Variants in SCN4B observed in about 807,000 individuals in gnomAD.
SCN4B encodes sodium channel regulatory subunit beta-4.
A neutral mutation model predicts 19.6 loss-of-function variants in SCN4B; 20 were observed. The ratio of observed to expected loss-of-function variants is 1.02; its 90% confidence interval spans 0.72 to 1.48. SCN4B has a LOEUF of 1.48. Among genes scored for constraint, SCN4B ranks in the 40% most tolerant of loss-of-function variants. The probability of loss-of-function intolerance (pLI) is 0.00; values close to 1 mark genes in which losing one functional copy is unlikely to be tolerated. For synonymous variants in SCN4B, 127 were observed against 122.8 expected, an observed-to-expected ratio of 1.03 and a Z score of -0.22; for missense variants, 271 against 287.5, an observed-to-expected ratio of 0.94 and a Z score of 0.42.
chr11:118,151,150 ACAT>A (rs1303661541), intron 1 of SCN4B, among the ~76,000 whole-genome samples: 1 of 141,490 alleles, frequency 7.1e-6, no homozygotes, highest in Admixed American at 7.1e-5. Flanking sequence ...ACACACACAC[ACAT>A]CATTTTCAGG....
rs1208066838 is a variant in SCN4B, at chr11:118,134,879, C to T, written c.*2148G>A. On this transcript the variant is annotated 3_prime_UTR_variant, in exon 5 of 5. Coordinates refer to ENST00000324727, the MANE Select transcript of SCN4B (RefSeq NM_174934.4). Reference sequence around the variant, plus strand: ...TGTGAGGTAGGTAAGTATTATTACACCCATTTGGTAGATGGAAAGAGCTGA... The same window carrying T: ...TGTGAGGTAGGTAAGTATTATTACATCCATTTGGTAGATGGAAAGAGCTGA... 2.2e-6 allele frequency: 1 copy of T among 453,938 alleles called. No individual in the cohort carries two copies. The highest frequency in any genetic ancestry group is 2.4e-5 in the Admixed American group (1 of 42,552). 28.1% of individuals were successfully genotyped at this position (453,938 alleles called of 1,614,324 possible).
In SCN4B at chr11:118,133,934, TGCCCATCA is replaced by T; in HGVS notation, c.*3085_*3092del. ...GACGGCTCCTCAAATGTCCAGCATC[TGCCCATCA>T]TGCATCACCCCTTACATGCAGAGCC... On this transcript the variant is annotated 3_prime_UTR_variant, in exon 5 of 5. Transcript: ENST00000324727. 2.2e-6 allele frequency: 1 copy of T among 454,572 alleles called. No individual in the cohort carries two copies. Among genetic ancestry groups the T allele is most frequent in the South Asian group, 1.6e-5 (1 of 64,476 alleles). 28.2% of individuals were successfully genotyped at this position (454,572 alleles called of 1,614,324 possible).
At chr11:118,141,482 C>A in intron 3 of SCN4B, 146 bp from the exon 4 acceptor site, 1 of 886,974 alleles carries the variant, frequency 1.1e-6, no homozygotes, top group Non-Finnish European at 1.8e-6. Flanking sequence ...CAGCCCTCCC[C>A]AGGCCTGCAG....
At chr11:118,145,424 G>A (rs1349155095) in intron 1 of SCN4B, 195 bp from the exon 2 acceptor site, 13 of 1,511,358 alleles carry the variant, frequency 8.6e-6, no homozygotes, top group Non-Finnish European at 1.1e-5. Flanking sequence ...TTTCTCCCCT[G>A]GAAAGGACTG....
At chr11:118,152,461 A>C (rs1948243656) in intron 1 of SCN4B, 152 bp downstream of exon 1, 1 of 663,526 alleles carries the variant, frequency 1.5e-6, no homozygotes, top group East Asian at 2.9e-5. Flanking sequence ...CCTATGAACC[A>C]GGCAGGAACC....
intron 1 of SCN4B, among the ~76,000 whole-genome samples, chr11:118,147,475 C>A (rs894267484): frequency 6.6e-6 from 1 of 152,186 alleles, no homozygotes; most frequent in Admixed American, 6.5e-5. Context: ...CAGATATTAG[C>A]CCCTTTCCAC....
At chr11:118,137,543 C>T (rs555276947) in intron 4 of SCN4B, among the ~76,000 whole-genome samples, 3 of 152,236 alleles carry the variant, frequency 2.0e-5, no homozygotes, top group Admixed American at 1.3e-4. Context: ...TGGTGGCAGG[C>T]GCCTATAGTC....
intron 1 of SCN4B, among the ~76,000 whole-genome samples, chr11:118,152,209 G>A (rs1353218224): frequency 6.6e-6 from 1 of 152,188 alleles, no homozygotes; most frequent in South Asian, 2.1e-4. Context: ...GCTCTGGGCC[G>A]GGATGGAAAC....
At position 118,135,037 on chromosome 11, in the gene SCN4B, G is replaced by T. The variant is rs1366423682; in HGVS notation, c.*1990C>A. 2.2e-6 allele frequency: 1 copy of T among 454,136 alleles called. No individual in the cohort carries two copies. The highest frequency in any genetic ancestry group is 6.9e-5 in the East Asian group (1 of 14,400). The allele number at this position is 454,136 out of a possible 1,614,324, so 28.1% of individuals were successfully genotyped here. A position where few individuals can be genotyped will look rare whatever the true frequency, so the allele number is the denominator to read the frequency against. On this transcript the variant is annotated 3_prime_UTR_variant, in exon 5 of 5. Transcript: ENST00000324727. Reference sequence around the variant, plus strand: ...AAGACAGAAGGAGGAGCCCCAAGGTGCTCTGCCTCTTCAAATGTCACCATT... The same window carrying T: ...AAGACAGAAGGAGGAGCCCCAAGGTTCTCTGCCTCTTCAAATGTCACCATT...
rs192843911 is a variant in SCN4B at position 118,148,051 on chromosome 11, C to T, written c.62-2822G>A. On this transcript the variant is annotated intron_variant, in intron 1 of 4. Coordinates refer to ENST00000324727, the MANE Select transcript of SCN4B (RefSeq NM_174934.4). This position sits in a 1 kb window ranked among gnomAD's most constrained non-coding sequence, Gnocchi z 4.0. ...AAGGTCTGGCTCATGACACAGTACA[C>T]GTTTCTGCCTGGTTTGTGTGCACCT... 2.9e-4 allele frequency among the ~76,000 whole-genome samples: 44 copies of T among 152,362 alleles called. No individual in the cohort carries two copies. The East Asian group carries it at 5.4e-3, about 19-fold the overall frequency.
In SCN4B at chr11:118,145,102, G is replaced by A; in HGVS notation, c.189C>T (p.Asp63=). 1 of 1,614,158 alleles carries A rather than the reference G, an allele frequency of 6.2e-7. No individual in the cohort carries two copies. The highest frequency in any genetic ancestry group is 8.5e-7 in the Non-Finnish European group (1 of 1,180,032). The stretch of plus-strand genomic sequence containing the variant: ...TGTTGTAGGTCCACCGGAAGTGGAG[G>A]TCCTCGAAGCCAAAGCAGCTGGAGA... ...CTFSSCFGFE[D]LHFRWTYNSS... is the part of the protein sequence containing the mutation. The change falls in exon 2 of 5, where the codon GAC becomes GAT. Residue 63 remains aspartate, a synonymous_variant. Transcript: ENST00000324727.
rs587782976 is a variant in SCN4B at position 118,141,205 on chromosome 11, ACTT to A, written c.592_593+1del. On this transcript the variant is annotated splice_donor_variant and coding_sequence_variant, in exon 4 of 5. Coordinates refer to ENST00000324727, the MANE Select transcript of SCN4B (RefSeq NM_174934.4). LOFTEE classifies it high-confidence loss of function. ...ACAGGAGTGTGCTCCAGATCAACTC[ACTT>A]CTTCTCCCGAGTCTTCTTCAGGATG... 6.8e-6 allele frequency: 11 copies of A among 1,612,770 alleles called. No individual in the cohort carries two copies. In the Admixed American group the frequency reaches 8.3e-5, roughly 12 times the overall value.
At chr11:118,147,042 G>A (rs1313553161) in intron 1 of SCN4B, among the ~76,000 whole-genome samples, 2 of 152,210 alleles carry the variant, frequency 1.3e-5, no homozygotes, top group African/African-American at 4.8e-5. Context: ...GGCTGGCTCC[G>A]CCCAGCCCCT....
At chr11:118,149,910 A>T (rs1449035979) in intron 1 of SCN4B, among the ~76,000 whole-genome samples, 1 of 152,204 alleles carries the variant, frequency 6.6e-6, no homozygotes, top group Non-Finnish European at 1.5e-5. Flanking sequence ...CAGGTTCAGA[A>T]GGAGAACTAA....
intron 3 of SCN4B, chr11:118,141,791 G>A (rs577090337): frequency 2.9e-5 from 6 of 204,934 alleles, no homozygotes; most frequent in East Asian, 1.3e-4. Flanking sequence ...TTTTAAGCAT[G>A]GGATTTAACT....
At position 118,137,096 on chromosome 11, in the gene SCN4B, C is replaced by T. The variant is rs773921790; in HGVS notation, c.618G>A (p.Ser206=). ...AGCCGTTCTCCGTGTTGTCATTCCC[C>T]GAGGAGCTCACGAGACACTCCTTCC... ...EKKKECLVSS[S]GNDNTENGLP... Residue 206 remains serine (S), a synonymous_variant, in exon 5 of 5, where the codon TCG becomes TCA. Coordinates refer to ENST00000324727, the MANE Select transcript of SCN4B (RefSeq NM_174934.4). The T allele has an allele frequency of 1.1e-5, 17 of 1,613,830 alleles. No individual in the cohort carries two copies. Among genetic ancestry groups the T allele is most frequent in the African/African-American group, 5.3e-5 (4 of 74,918 alleles).
chr11:118,139,908 C>CT (rs1172256719), intron 4 of SCN4B, among the ~76,000 whole-genome samples: 43 of 60,498 alleles, frequency 7.1e-4, no homozygotes, highest in Non-Finnish European at 1.1e-3. Flanking sequence ...TTTCTTTTTT[C>CT]TTTTTTTTTT....
chr11:118,140,335 C>T (rs1190167562), intron 4 of SCN4B, among the ~76,000 whole-genome samples: 2 of 152,182 alleles, frequency 1.3e-5, no homozygotes, highest in African/African-American at 4.8e-5. Context: ...CTCCCTACCT[C>T]CAACTTCCAT....
At chr11:118,149,867 C>G in intron 1 of SCN4B, among the ~76,000 whole-genome samples, 1 of 152,206 alleles carries the variant, frequency 6.6e-6, no homozygotes, top group Non-Finnish European at 1.5e-5. Flanking sequence ...CCAGCCTTCT[C>G]TCTCAGGTGC....
Sources: gnomAD v4.1 joint callset for allele counts (sites outside exome capture counted in the v4.1 genomes callset) on GRCh38, gnomAD v4.1.1 for gene constraint, Gnocchi (gnomAD v3.1) non-coding constraint, MANE v1.5 for transcripts, NCBI Gene and HGNC (gene_info 2026-07-23, HGNC 2026-07-21) for gene names.